KRABD2: variants seen among roughly 807,000 people sequenced by gnomAD.
The protein encoded by KRABD2 is KRAB domain-containing protein 2.
the KRABD2 span, chr17:8,376,172 G>A: frequency 2.4e-6 from 3 of 1,231,688 alleles, no homozygotes; most frequent in Non-Finnish European, 3.0e-6. Context: ...ATACAGAGCT[G>A]AGCACAAAAG....
chr17:8,376,029 A>T, the KRABD2 span: 9 of 1,231,622 alleles, frequency 7.3e-6, no homozygotes, highest in Non-Finnish European at 8.1e-6. Flanking sequence ...TCTCTCCTTC[A>T]TCTCAACAAC....
the KRABD2 span, among the ~76,000 whole-genome samples, chr17:8,373,139 C>T: frequency 6.0e-5 from 6 of 100,628 alleles, no homozygotes; most frequent in South Asian, 2.5e-3. Context: ...CTCCCTCTCC[C>T]TCTCTCCCTC....
the KRABD2 span, among the ~76,000 whole-genome samples, chr17:8,367,662 CAAAAA>C: frequency 2.2e-4 from 21 of 94,160 alleles, no homozygotes; most frequent in African/African-American, 2.8e-4. Flanking sequence ...GACCCTGTCT[CAAAAA>C]AAAAAAAAAA....
the KRABD2 span, among the ~76,000 whole-genome samples, chr17:8,374,180 A>C: frequency 6.6e-6 from 1 of 151,870 alleles, no homozygotes. Flanking sequence ...TGTGTCGAAT[A>C]GAAAAGGGGG....
chr17:8,371,871 T>C, the KRABD2 span: 1 of 1,015,980 alleles, frequency 9.8e-7, no homozygotes, highest in Non-Finnish European at 1.2e-6. Context: ...AAATGGAGTC[T>C]ACCTGCCACT....
chr17:8,366,760 C>T, the KRABD2 span, among the ~76,000 whole-genome samples: 3 of 151,766 alleles, frequency 2.0e-5, no homozygotes, highest in Admixed American at 1.3e-4. Context: ...CTTGCTCTGT[C>T]GCCCAGGCTG....
At chr17:8,370,237 T>C in the KRABD2 span, 1 of 1,613,726 alleles carries the variant, frequency 6.2e-7, no homozygotes, top group Non-Finnish European at 8.5e-7. Context: ...ACCTTGCTGT[T>C]GTAACTTTTG....
the KRABD2 span, chr17:8,359,558 A>G: frequency 2.0e-5 from 9 of 455,902 alleles, no homozygotes; most frequent in South Asian, 1.1e-4. Context: ...TAAATGTCCA[A>G]TGAATGAGTG....
the KRABD2 span, chr17:8,369,689 G>C: frequency 1.2e-6 from 2 of 1,614,202 alleles, no homozygotes; most frequent in Admixed American, 1.7e-5. Context: ...TATCTAACAA[G>C]ACACTGACCA....
the KRABD2 span, chr17:8,370,395 GGAA>G: frequency 6.6e-7 from 1 of 1,518,706 alleles, no homozygotes; most frequent in Admixed American, 2.4e-5. Flanking sequence ...TCCTAAGAAA[GGAA>G]GAAAAGAGAA....
the KRABD2 span, chr17:8,359,462 G>A: frequency 2.5e-6 from 1 of 397,942 alleles, no homozygotes; most frequent in South Asian, 1.9e-5. Flanking sequence ...TCTTTACTCT[G>A]TGCCTATTTT....
the KRABD2 span, among the ~76,000 whole-genome samples, chr17:8,370,658 G>T: frequency 6.6e-6 from 1 of 152,144 alleles, no homozygotes; most frequent in African/African-American, 2.4e-5. Context: ...GAAGTCATTA[G>T]CTTATAGCAA....
chr17:8,361,793 A>G, the KRABD2 span, among the ~76,000 whole-genome samples: 1 of 149,486 alleles, frequency 6.7e-6, no homozygotes, highest in Non-Finnish European at 1.5e-5. Context: ...CTCAGCCTCC[A>G]AAGTGCTTGG....
the KRABD2 span, among the ~76,000 whole-genome samples, chr17:8,363,825 T>TCATA: frequency 3.1e-4 from 23 of 74,230 alleles, no homozygotes; most frequent in East Asian, 2.3e-3. Context: ...CATATATATA[T>TCATA]CATACATATA....
the KRABD2 span, chr17:8,371,193 A>T: frequency 4.3e-6 from 4 of 920,094 alleles, no homozygotes; most frequent in Non-Finnish European, 4.9e-6. Context: ...CTTATGGCTG[A>T]GGAGTCTGTC....
the KRABD2 span, chr17:8,369,833 G>A: frequency 6.2e-7 from 1 of 1,614,218 alleles, no homozygotes; most frequent in Non-Finnish European, 8.5e-7. Flanking sequence ...GGCATGTGGA[G>A]TCTATGTCCT....
At chr17:8,359,788 G>C in the KRABD2 span, 1 of 456,050 alleles carries the variant, frequency 2.2e-6, no homozygotes, top group East Asian at 6.9e-5. Context: ...GTTATTACAG[G>C]TGGCCTGGGT....
At chr17:8,373,713 G>C in the KRABD2 span, 3 of 163,420 alleles carry the variant, frequency 1.8e-5, no homozygotes, top group Non-Finnish European at 3.9e-5. Context: ...CCGCCATCCC[G>C]TCTGGGAAGT....
the KRABD2 span, among the ~76,000 whole-genome samples, chr17:8,366,993 T>A: frequency 6.6e-6 from 1 of 151,986 alleles, no homozygotes; most frequent in Non-Finnish European, 1.5e-5. Flanking sequence ...GTGCTGGGAT[T>A]ACAGGCATGA....
Sources: gnomAD v4.1 joint callset for allele counts (sites outside exome capture counted in the v4.1 genomes callset) on GRCh38, gnomAD v4.1.1 for gene constraint, MANE v1.5 for transcripts, NCBI Gene and HGNC (gene_info 2026-07-23, HGNC 2026-07-21) for gene names.